The following VAT1L variants were observed in gnomAD, a reference collection of about 807,000 sequenced individuals.
The protein encoded by VAT1L is putative NADPH-dependent quinone oxidoreductase VAT1L.
Under a neutral mutation model 44.1 loss-of-function variants are expected in VAT1L, and 34 were observed. The observed-to-expected ratio is 0.77, with a 90% CI of 0.59 to 1.03. VAT1L has a LOEUF of 1.03. Among genes scored for constraint, VAT1L ranks in the 50% least tolerant of loss-of-function variants. The probability of loss-of-function intolerance (pLI) is 0.00; values close to 1 mark genes in which losing one functional copy is unlikely to be tolerated. For missense variants in VAT1L, 615 were observed against 538.8 expected, an observed-to-expected ratio of 1.14 and a Z score of -1.40; for synonymous variants, 253 against 202.2, an observed-to-expected ratio of 1.25 and a Z score of -2.13.
intron 7 of VAT1L, among the ~76,000 whole-genome samples, chr16:77,956,355 T>C (rs1424111438): frequency 6.6e-6 from 1 of 152,140 alleles, no homozygotes; most frequent in Non-Finnish European, 1.5e-5. Flanking sequence ...GGGGGCCTAT[T>C]TTTATGTACC....
chr16:77,840,771 C>G (rs1220325170), intron 3 of VAT1L, among the ~76,000 whole-genome samples: 4 of 152,164 alleles, frequency 2.6e-5, no homozygotes, highest in African/African-American at 9.7e-5. Context: ...ATTGTGAGAC[C>G]TGGGGCACAT....
chr16:77,806,367 G>A (rs28575237), intron 1 of VAT1L, among the ~76,000 whole-genome samples: 3 of 152,060 alleles, frequency 2.0e-5, no homozygotes, highest in East Asian at 3.9e-4. Context: ...CCACCACCAC[G>A]CCCGGCCAAG....
chr16:77,795,901 C>G (rs1226593061), intron 1 of VAT1L, among the ~76,000 whole-genome samples: 2 of 144,482 alleles, frequency 1.4e-5, no homozygotes, highest in African/African-American at 5.1e-5. Flanking sequence ...TTTCGGCTCA[C>G]TGCAACCTCC....
At chr16:77,965,661 C>G (rs1313118514) in intron 7 of VAT1L, among the ~76,000 whole-genome samples, 1 of 152,170 alleles carries the variant, frequency 6.6e-6, no homozygotes, top group Admixed American at 6.5e-5. Context: ...GGACCATGGT[C>G]CTGATTATGA....
intron 7 of VAT1L, among the ~76,000 whole-genome samples, chr16:77,902,180 C>A (rs914740822): frequency 6.6e-6 from 1 of 152,194 alleles, no homozygotes; most frequent in Non-Finnish European, 1.5e-5. Context: ...GGTTGATGAG[C>A]TCATCTTATT....
chr16:77,923,266 T>C (rs1256180876), intron 7 of VAT1L, among the ~76,000 whole-genome samples: 2 of 152,192 alleles, frequency 1.3e-5, no homozygotes, highest in African/African-American at 2.4e-5. Context: ...CTGGTTAACA[T>C]GGTGAAACCC....
chr16:77,815,422 A>T (rs1246418151), intron 1 of VAT1L, among the ~76,000 whole-genome samples: 3 of 152,198 alleles, frequency 2.0e-5, no homozygotes, highest in African/African-American at 7.2e-5. Context: ...AGGCATACAG[A>T]TGCCTTCAAG....
intron 8 of VAT1L, among the ~76,000 whole-genome samples, chr16:77,977,171 C>T (rs532154302): frequency 6.6e-6 from 1 of 152,152 alleles, no homozygotes; most frequent in African/African-American, 2.4e-5. Context: ...TAACTCACCT[C>T]CCCTGAGAGC....
chr16:77,862,918 C>T (rs748007852), intron 4 of VAT1L, 28 bp downstream of exon 4: 5 of 1,611,034 alleles, frequency 3.1e-6, no homozygotes, highest in South Asian at 1.1e-5. Context: ...GAAAAAGCAC[C>T]AGGCTGGCCC....
chr16:77,827,884 T>C (rs558833320), intron 3 of VAT1L, among the ~76,000 whole-genome samples: 1 of 152,180 alleles, frequency 6.6e-6, no homozygotes, highest in South Asian at 2.1e-4. Flanking sequence ...TTTCTTACGG[T>C]GCACTCTTAA....
At chr16:77,913,750 G>A (rs1344101655) in intron 7 of VAT1L, among the ~76,000 whole-genome samples, 2 of 152,166 alleles carry the variant, frequency 1.3e-5, no homozygotes, top group African/African-American at 4.8e-5. Context: ...CAAAGGCCAG[G>A]AGCTGCCTAA....
At chr16:77,875,549 ATATGTTC>A (rs2017078768) in intron 4 of VAT1L, among the ~76,000 whole-genome samples, 1 of 152,186 alleles carries the variant, frequency 6.6e-6, no homozygotes, top group South Asian at 2.1e-4. Context: ...CCCCTCCTGT[ATATGTTC>A]TAAGAGTGGG....
At chr16:77,796,700 A>G (rs989391081) in intron 1 of VAT1L, among the ~76,000 whole-genome samples, 4 of 152,232 alleles carry the variant, frequency 2.6e-5, no homozygotes, top group African/African-American at 7.2e-5. Context: ...GGGCTTTTAC[A>G]TACAGAACTA....
At chr16:77,834,286 C>T (rs1597057681) in intron 3 of VAT1L, among the ~76,000 whole-genome samples, 1 of 152,158 alleles carries the variant, frequency 6.6e-6, no homozygotes, top group African/African-American at 2.4e-5. Flanking sequence ...GGTGTGTGGC[C>T]CTTGCCTGTT....
At chr16:77,882,990 G>A (rs1052827077) in intron 6 of VAT1L, among the ~76,000 whole-genome samples, 5 of 152,050 alleles carry the variant, frequency 3.3e-5, no homozygotes, top group African/African-American at 1.2e-4. Flanking sequence ...GGCCCTCTCC[G>A]AATGTGCTTT....
At chr16:77,853,203 T>C (rs540873498) in intron 3 of VAT1L, among the ~76,000 whole-genome samples, 7 of 152,308 alleles carry the variant, frequency 4.6e-5, no homozygotes, top group South Asian at 4.1e-4. Context: ...CCTCAGAGCC[T>C]GCTAATGGGG....
At chr16:77,859,493 A>C (rs535189419) in intron 3 of VAT1L, among the ~76,000 whole-genome samples, 4 of 152,310 alleles carry the variant, frequency 2.6e-5, no homozygotes, top group South Asian at 2.1e-4. Context: ...CTAGTGTGAT[A>C]AACTAGATGT....
chr16:77,927,654 GATC>G (rs1262557934), intron 7 of VAT1L, among the ~76,000 whole-genome samples: 1 of 151,966 alleles, frequency 6.6e-6, no homozygotes, highest in African/African-American at 2.4e-5. Flanking sequence ...GAGGTGGGCG[GATC>G]ATGAGGTCAG....
chr16:77,928,451 C>G (rs1016628345), intron 7 of VAT1L, among the ~76,000 whole-genome samples: 1 of 152,088 alleles, frequency 6.6e-6, no homozygotes, highest in Non-Finnish European at 1.5e-5. Flanking sequence ...TTTAAAAGAT[C>G]AAGTATTGAG....
Sources: allele counts gnomAD v4.1 joint callset (sites outside exome capture counted in the v4.1 genomes callset), GRCh38; gene constraint gnomAD v4.1.1; transcripts MANE v1.5; gene names NCBI Gene and HGNC (gene_info 2026-07-23, HGNC 2026-07-21).